The following SLC39A10 variants were observed in gnomAD, a reference collection of about 807,000 sequenced individuals.
SLC39A10 encodes zinc transporter ZIP10.
Under a neutral mutation model 65.1 loss-of-function variants are expected in SLC39A10, and 13 were observed. That is an observed-to-expected ratio of 0.20 (90% CI 0.13 to 0.32). The LOEUF (loss-of-function observed/expected upper bound fraction) is 0.32, where lower values mean the gene tolerates loss of function less well. SLC39A10 is among the 10% of genes least tolerant of loss of function. The probability of loss-of-function intolerance (pLI) is 1.00; values close to 1 mark genes in which losing one functional copy is unlikely to be tolerated. For synonymous variants in SLC39A10, 321 were observed against 342.2 expected (o/e 0.94, Z 0.68); for missense variants, 831 against 1,018.4 (o/e 0.82, Z 2.50).
intron 1 of SLC39A10, 50 bp from the exon 2 acceptor site, chr2:195,679,982 A>G: frequency 7.0e-7 from 1 of 1,431,014 alleles, no homozygotes; most frequent in Non-Finnish European, 9.3e-7. Flanking sequence ...ATTGTTTTGA[A>G]TGTGTCTAGG....
rs150712456 is a variant in SLC39A10, at chr2:195,680,480, C to G, written c.438C>G (p.Ser146=). Residue 146 remains serine (S), a synonymous_variant, in exon 2 of 10, where the codon TCC becomes TCG. Transcript: ENST00000359634. ...AAAATCAAACTGTGACCAGTGTATC[C>G]ACAAAAAGAAACCATAAATGTGATC... ...NSENQTVTSV[S]TKRNHKCDPE... is the part of the protein sequence containing the mutation. The G allele has an allele frequency of 2.5e-6, 4 of 1,614,004 alleles. No homozygotes were observed. The South Asian group carries it at 4.4e-5, about 18-fold the overall frequency.
rs555622805 is a variant in SLC39A10 at position 195,704,955 on chromosome 2, G to A, written c.1217-1661G>A. 7.9e-4 allele frequency among the ~76,000 whole-genome samples: 120 copies of A among 152,076 alleles called. 7 individuals are homozygous for A. The highest frequency in any genetic ancestry group is 4.6e-4 in the Admixed American group (7 of 15,264). Reference sequence around the variant, plus strand: ...TGGGGCTACAGGCATGTACCACCGCGCTTGGCTAATTTTTGTATTTTTATT... The same window carrying A: ...TGGGGCTACAGGCATGTACCACCGCACTTGGCTAATTTTTGTATTTTTATT... On this transcript the variant is annotated intron_variant, in intron 3 of 9. Transcript: ENST00000359634.
At chr2:195,719,973 A>G (rs964354869) in intron 8 of SLC39A10, among the ~76,000 whole-genome samples, 9 of 152,094 alleles carry the variant, frequency 5.9e-5, no homozygotes, top group African/African-American at 9.7e-5. Flanking sequence ...TAGTTTTAGT[A>G]GAGACGGGGT....
rs373618636 is a variant in SLC39A10, at chr2:195,719,790, TG to T, written c.2146+1459del. 7.2e-4 allele frequency among the ~76,000 whole-genome samples: 107 copies of T among 148,206 alleles called. 8 individuals are homozygous for T. The highest frequency in any genetic ancestry group is 3.9e-3 in the East Asian group (20 of 5,082). On this transcript the variant is annotated intron_variant, in intron 8 of 9. Coordinates refer to ENST00000359634, the MANE Select transcript of SLC39A10 (RefSeq NM_020342.3). ...TGGGCCACTACGCCTGGCTAATTTT[TG>T]TTTTTTTTTTTTTTTCGAGACAGAG... is the stretch of plus-strand genomic sequence containing the variant.
chr2:195,697,900 G>A (rs1033805070), intron 3 of SLC39A10, among the ~76,000 whole-genome samples: 5 of 151,980 alleles, frequency 3.3e-5, no homozygotes, highest in African/African-American at 9.7e-5. Flanking sequence ...AGAATGTTTT[G>A]TAGTTTTCAT....
At chr2:195,718,229 G>GTT in intron 7 of SLC39A10, 23 bp from the exon 8 acceptor site, 3 of 1,589,264 alleles carry the variant, frequency 1.9e-6, no homozygotes, top group South Asian at 1.1e-5. Flanking sequence ...AACCTCACTT[G>GTT]TTTTTTTTCT....
chr2:195,637,009 C>G (rs1489921626), intron 2 of SLC39A10, among the ~76,000 whole-genome samples: 1 of 152,110 alleles, frequency 6.6e-6, no homozygotes, highest in Non-Finnish European at 1.5e-5. Context: ...CTAATTCCCT[C>G]TAGTCTCAAC....
intron 2 of SLC39A10, among the ~76,000 whole-genome samples, chr2:195,621,180 T>A (rs958127129): frequency 6.6e-6 from 1 of 152,240 alleles, no homozygotes; most frequent in Admixed American, 6.5e-5. Context: ...AGCAGGATGA[T>A]CAATGATGGT....
chr2:195,627,778 A>C (rs1215258604), intron 2 of SLC39A10, among the ~76,000 whole-genome samples: 1 of 152,236 alleles, frequency 6.6e-6, no homozygotes, highest in East Asian at 1.9e-4. Flanking sequence ...TGCATTGAGA[A>C]TCTCTAAATA....
rs35929377 is a variant in SLC39A10, at chr2:195,689,336, G to A, written c.1216+5430G>A. 2.6e-3 allele frequency among the ~76,000 whole-genome samples: 400 copies of A among 152,174 alleles called. 1 individual carries two copies. The highest frequency in any genetic ancestry group is 4.8e-3 in the Non-Finnish European group (328 of 67,996). ...ACTTAGGAGGCGGAGGCAGGAGGAT[G>A]ACCTTAGCGTGGGAGGTTGAGGCTG... On this transcript the variant is annotated intron_variant, in intron 3 of 9. Coordinates refer to ENST00000359634, the MANE Select transcript of SLC39A10 (RefSeq NM_020342.3).
intron 2 of SLC39A10, among the ~76,000 whole-genome samples, chr2:195,632,145 G>A (rs976464111): frequency 9.9e-5 from 15 of 151,006 alleles, no homozygotes; most frequent in African/African-American, 2.2e-4. Context: ...CTCCCACCTC[G>A]GCCTCCCAAA....
At chr2:195,666,323 C>A (rs1262958883) in intron 1 of SLC39A10, among the ~76,000 whole-genome samples, 4 of 152,026 alleles carry the variant, frequency 2.6e-5, no homozygotes, top group Non-Finnish European at 5.9e-5. Context: ...TTTTAGCTGG[C>A]AGTTTTTACA....
intron 2 of SLC39A10, among the ~76,000 whole-genome samples, chr2:195,626,790 T>C (rs1688482984): frequency 6.6e-6 from 1 of 152,134 alleles, no homozygotes. Flanking sequence ...AGGTAAAATA[T>C]TATCAATGGG....
At chr2:195,651,080 G>GT (rs35709403) in intron 2 of SLC39A10, among the ~76,000 whole-genome samples, 11,133 of 142,376 alleles carry the variant, frequency 0.078, 643 homozygotes, top group African/African-American at 0.16. Flanking sequence ...CAAAAAAAAT[G>GT]TTTTTTTTTT....
chr2:195,720,975 T>C (rs1206114176), intron 8 of SLC39A10, among the ~76,000 whole-genome samples: 1 of 152,198 alleles, frequency 6.6e-6, no homozygotes, highest in African/African-American at 2.4e-5. Context: ...AGGGTCTCCC[T>C]CTGTTGCCCA....
intron 1 of SLC39A10, among the ~76,000 whole-genome samples, chr2:195,677,996 C>A (rs1690160752): frequency 6.6e-6 from 1 of 152,146 alleles, no homozygotes; most frequent in Non-Finnish European, 1.5e-5. Flanking sequence ...GATCTGCCTG[C>A]CTTGGCCTCC....
At chr2:195,703,502 A>G (rs774128127) in intron 3 of SLC39A10, among the ~76,000 whole-genome samples, 2 of 152,158 alleles carry the variant, frequency 1.3e-5, no homozygotes, top group African/African-American at 2.4e-5. Flanking sequence ...AAATCTTTTG[A>G]AGGTAGTCTT....
intron 1 of SLC39A10, chr2:195,658,408 AAAAC>A (rs1689251446): frequency 6.6e-6 from 1 of 152,232 alleles, no homozygotes; most frequent in Admixed American, 6.5e-5. Context: ...ATGTTAGAAA[AAAAC>A]AAAAAGTATG....
At position 195,728,819 on chromosome 2, in the gene SLC39A10, T is replaced by A. The variant is rs1692332654; in HGVS notation, c.2337+470T>A. On this transcript the variant is annotated intron_variant, in intron 9 of 9. Coordinates refer to ENST00000359634, the MANE Select transcript of SLC39A10 (RefSeq NM_020342.3). The surrounding 1 kb of genome is among the most constrained non-coding windows in gnomAD (Gnocchi z 4.4). ...AAGTTAAATGTAAATGCTAACAATT[T>A]GTTTTATTTTGATTTTACTTTAATA... is the stretch of plus-strand genomic sequence containing the variant. 6.6e-6 allele frequency among the ~76,000 whole-genome samples: 1 copy of A among 152,222 alleles called. No homozygotes were observed. Among genetic ancestry groups the A allele is most frequent in the Non-Finnish European group, 1.5e-5 (1 of 68,046 alleles).
Sources: gnomAD v4.1 joint callset for allele counts (sites outside exome capture counted in the v4.1 genomes callset) on GRCh38, gnomAD v4.1.1 for gene constraint, Gnocchi (gnomAD v3.1) non-coding constraint, MANE v1.5 for transcripts, NCBI Gene and HGNC (gene_info 2026-07-23, HGNC 2026-07-21) for gene names.